Variants in CCSER1 observed in about 807,000 individuals in gnomAD.
The protein encoded by CCSER1 is serine-rich coiled-coil domain-containing protein 1.
A neutral mutation model predicts 82.0 loss-of-function variants in CCSER1; 41 were observed. The observed-to-expected ratio is 0.50, with a 90% CI of 0.39 to 0.65. CCSER1 has a LOEUF of 0.65. Among genes scored for constraint, CCSER1 ranks in the 30% least tolerant of loss-of-function variants. The pLI, the probability that CCSER1 is intolerant of heterozygous loss-of-function variation, is 0.00. For synonymous variants in CCSER1, 414 were observed against 383.9 expected (o/e 1.08, Z -0.92); for missense variants, 1,119 against 1,064.2 (o/e 1.05, Z -0.72).
chr4:90,770,834 G>A (rs149864604), intron 7 of CCSER1, among the ~76,000 whole-genome samples: 1 of 152,024 alleles, frequency 6.6e-6, no homozygotes, highest in Non-Finnish European at 1.5e-5. Flanking sequence ...TACTTATATA[G>A]TAAAAATTAT....
chr4:91,143,495 A>G (rs1729241238), intron 10 of CCSER1, among the ~76,000 whole-genome samples: 1 of 152,078 alleles, frequency 6.6e-6, no homozygotes, highest in Non-Finnish European at 1.5e-5. Context: ...GATTGCTCTA[A>G]TTAGGACTTC....
chr4:90,948,229 A>T (rs2150347226), intron 9 of CCSER1, among the ~76,000 whole-genome samples: 1 of 152,080 alleles, frequency 6.6e-6, no homozygotes, highest in South Asian at 2.1e-4. Context: ...CATTCATTAT[A>T]TCAAGATGGT....
rs2110372981 is a variant in CCSER1 at position 91,605,230 on chromosome 4, T to G, written c.*6173T>G. 6.6e-6 allele frequency: 1 copy of G among 152,230 alleles called. No individual in the cohort carries two copies. The highest frequency in any genetic ancestry group is 2.1e-4 in the South Asian group (1 of 4,830). The allele number at this position is 152,230 out of a possible 1,614,324, so 9.4% of individuals were successfully genotyped here. ...TTAATATTCTAAGAAAAGATTGATATATTTAAGCATGGTGATTAGAAAAAT... is the reference window on the plus strand; with the variant it reads ...TTAATATTCTAAGAAAAGATTGATAGATTTAAGCATGGTGATTAGAAAAAT... On this transcript the variant is annotated 3_prime_UTR_variant, in exon 11 of 11. Transcript: ENST00000509176.
intron 3 of CCSER1, among the ~76,000 whole-genome samples, chr4:90,336,856 C>T (rs979686262): frequency 1.3e-5 from 2 of 152,156 alleles, no homozygotes; most frequent in African/African-American, 4.8e-5. Flanking sequence ...ATAGCAAATC[C>T]TTCTGCATTC....
At position 91,197,820 on chromosome 4, in the gene CCSER1, T is replaced by C. The variant is rs186577322; in HGVS notation, c.2217+111826T>C. 2.6e-5 allele frequency among the ~76,000 whole-genome samples: 4 copies of C among 152,238 alleles called. No homozygotes were observed. The East Asian group carries it at 7.7e-4, about 29-fold the overall frequency. ...TCTTAGTCTTGACATTCACACAGCTTTTTGGTTATAATTGCTTCTGTATTT... is the reference window on the plus strand; with the variant it reads ...TCTTAGTCTTGACATTCACACAGCTCTTTGGTTATAATTGCTTCTGTATTT... On this transcript the variant is annotated intron_variant, in intron 10 of 10. Coordinates refer to ENST00000509176, the MANE Select transcript of CCSER1 (RefSeq NM_001145065.2).
intron 8 of CCSER1, among the ~76,000 whole-genome samples, chr4:90,903,088 A>G (rs1224077750): frequency 2.6e-5 from 4 of 152,146 alleles, no homozygotes; most frequent in South Asian, 2.1e-4. Context: ...AAAATTGACT[A>G]CATTCTTGAT....
intron 8 of CCSER1, among the ~76,000 whole-genome samples, chr4:90,894,574 C>G (rs1292628339): frequency 6.6e-6 from 1 of 152,026 alleles, no homozygotes; most frequent in Non-Finnish European, 1.5e-5. Context: ...TCCCTATCCT[C>G]TCTCTACTCT....
chr4:90,859,567 C>A (rs1048375562), intron 8 of CCSER1, among the ~76,000 whole-genome samples: 7 of 151,640 alleles, frequency 4.6e-5, no homozygotes, highest in Non-Finnish European at 8.9e-5. Context: ...ATAATTGAAT[C>A]CTAAAATCTG....
At chr4:90,874,843 C>T (rs1321018200) in intron 8 of CCSER1, among the ~76,000 whole-genome samples, 7 of 152,020 alleles carry the variant, frequency 4.6e-5, no homozygotes, top group Non-Finnish European at 1.0e-4. Flanking sequence ...GTCAAGAGAT[C>T]GAGACCATCC....
chr4:90,663,399 C>G (rs967528221), intron 6 of CCSER1, among the ~76,000 whole-genome samples: 1 of 152,126 alleles, frequency 6.6e-6, no homozygotes, highest in African/African-American at 2.4e-5. Context: ...TCTAGTACAC[C>G]AGATATTCTG....
intron 10 of CCSER1, among the ~76,000 whole-genome samples, chr4:91,454,054 T>C (rs1163139639): frequency 6.6e-6 from 1 of 152,104 alleles, no homozygotes; most frequent in African/African-American, 2.4e-5. Context: ...TCCAGAACTT[T>C]CATATACATG....
At chr4:90,154,057 A>C (rs1402069487) in intron 1 of CCSER1, among the ~76,000 whole-genome samples, 1 of 152,134 alleles carries the variant, frequency 6.6e-6, no homozygotes, top group Non-Finnish European at 1.5e-5. Context: ...TTTTTGTATA[A>C]GGTGTAAGGA....
chr4:91,330,228 A>G (rs1249092207), intron 10 of CCSER1, among the ~76,000 whole-genome samples: 1 of 152,150 alleles, frequency 6.6e-6, no homozygotes, highest in Non-Finnish European at 1.5e-5. Flanking sequence ...AATACATTTA[A>G]TTTTTTCTCT....
chr4:90,908,404 G>A (rs1225798370), intron 8 of CCSER1, among the ~76,000 whole-genome samples: 4 of 151,856 alleles, frequency 2.6e-5, no homozygotes, highest in Non-Finnish European at 5.9e-5. Context: ...ATGAGATGAA[G>A]GTGATAAAAT....
chr4:90,314,726 G>A (rs552891870), intron 3 of CCSER1, among the ~76,000 whole-genome samples: 4 of 150,914 alleles, frequency 2.7e-5, no homozygotes, highest in African/African-American at 7.3e-5. Context: ...TTCGGCCTGG[G>A]CAACAGAGCA....
intron 10 of CCSER1, among the ~76,000 whole-genome samples, chr4:91,542,414 A>G (rs1319573136): frequency 1.3e-5 from 2 of 152,090 alleles, no homozygotes; most frequent in Admixed American, 1.3e-4. Context: ...TATTAGGTGT[A>G]AGGAAGGGAT....
chr4:90,505,993 A>G (rs913546239), intron 5 of CCSER1, among the ~76,000 whole-genome samples: 1 of 152,150 alleles, frequency 6.6e-6, no homozygotes, highest in African/African-American at 2.4e-5. Context: ...TCTGTAATAC[A>G]CTTACAACTT....
intron 4 of CCSER1, among the ~76,000 whole-genome samples, chr4:90,409,846 A>C (rs890893172): frequency 3.3e-5 from 5 of 152,210 alleles, no homozygotes; most frequent in African/African-American, 1.2e-4. Flanking sequence ...AAATCAGATA[A>C]AGAGTTAAGA....
At chr4:91,490,896 A>C (rs1758489197) in intron 10 of CCSER1, among the ~76,000 whole-genome samples, 1 of 65,742 alleles carries the variant, frequency 1.5e-5, no homozygotes, top group Non-Finnish European at 2.9e-5. Flanking sequence ...ATATATATAT[A>C]TATATATATA....
Sources: allele counts gnomAD v4.1 joint callset (sites outside exome capture counted in the v4.1 genomes callset), GRCh38; gene constraint gnomAD v4.1.1; transcripts MANE v1.5; gene names NCBI Gene and HGNC (gene_info 2026-07-23, HGNC 2026-07-21).